The following MICAL2 variants were observed in gnomAD, a reference collection of about 807,000 sequenced individuals.
MICAL2 encodes the protein microtubule associated monooxygenase, calponin and LIM domain containing 2.
MICAL2 carries 77 observed loss-of-function variants against 127.3 expected under a neutral mutation model. That is an observed-to-expected ratio of 0.60 (90% CI 0.50 to 0.73). The LOEUF (loss-of-function observed/expected upper bound fraction) is 0.73. Among genes scored for constraint, MICAL2 ranks in the 30% least tolerant of loss-of-function variants. MICAL2 has a pLI of 0.00. For missense variants in MICAL2, 1,351 were observed against 1,434.4 expected, an observed-to-expected ratio of 0.94 and a Z score of 0.94; for synonymous variants, 570 against 551.1, an observed-to-expected ratio of 1.03 and a Z score of -0.48.
chr11:12,255,441 C>T, intron 22 of MICAL2: 1 of 572,686 alleles, frequency 1.7e-6, no homozygotes, highest in East Asian at 2.9e-5. Flanking sequence ...TTTGCGGCCA[C>T]AGGGTTTTAT....
intron 2 of MICAL2, among the ~76,000 whole-genome samples, chr11:12,145,824 C>T (rs1311700117): frequency 2.6e-5 from 4 of 152,118 alleles, no homozygotes; most frequent in Admixed American, 1.3e-4. Flanking sequence ...GTTGGGTGGA[C>T]GGCCCAATGA....
intron 33 of MICAL2, among the ~76,000 whole-genome samples, chr11:12,352,013 C>T (rs1367342302): frequency 6.6e-6 from 1 of 152,084 alleles, no homozygotes; most frequent in Non-Finnish European, 1.5e-5. Flanking sequence ...GTCTCGAACT[C>T]CTGACTTCAA....
Position 12,256,928 on chromosome 11 carries a change from C to T in MICAL2, c.3099C>T (p.Ala1033=), listed in dbSNP as rs141669526. The change falls in exon 24 of 28, where the codon GCC becomes GCT. Residue 1033 remains alanine (A), a synonymous_variant. Transcript: ENST00000683283. Reference sequence around the variant, plus strand: ...AGTGTTTCCGCTGCAGCATCTGTGCCACCACCTTGCGCCTGGCCGCCTACA... The same window carrying T: ...AGTGTTTCCGCTGCAGCATCTGTGCTACCACCTTGCGCCTGGCCGCCTACA... ...HRECFRCSIC[A]TTLRLAAYTF... 2 of 1,614,094 alleles carry T rather than the reference C, an allele frequency of 1.2e-6. No individual in the cohort carries two copies. Among genetic ancestry groups the T allele is most frequent in the Middle Eastern group, 3.3e-4 (2 of 6,062 alleles).
At chr11:12,240,084 A>G (rs979850805) in intron 17 of MICAL2, among the ~76,000 whole-genome samples, 4 of 152,234 alleles carry the variant, frequency 2.6e-5, no homozygotes, top group Admixed American at 1.3e-4. Context: ...CATCCTAACC[A>G]GAGGAACTGA....
chr11:12,358,564 G>A, downstream of MICAL2: 2 of 1,333,622 alleles, frequency 1.5e-6, no homozygotes, highest in Non-Finnish European at 2.0e-6. Flanking sequence ...TCTTTCTGCA[G>A]GATTTATCAT....
intron 32 of MICAL2, chr11:12,349,752 C>A: frequency 7.6e-7 from 1 of 1,324,420 alleles, no homozygotes; most frequent in Non-Finnish European, 1.1e-6. Context: ...TCACTACAAA[C>A]ATAACCTGCT....
At chr11:12,284,750 G>C (rs1863806904) in intron 2 of MICAL2, among the ~76,000 whole-genome samples, 1 of 152,186 alleles carries the variant, frequency 6.6e-6, no homozygotes, top group South Asian at 2.1e-4. Flanking sequence ...CAGCAATTGG[G>C]GGGTGGGCTA....
chr11:12,251,436 T>C (rs1244593850), intron 22 of MICAL2, among the ~76,000 whole-genome samples: 1 of 151,910 alleles, frequency 6.6e-6, no homozygotes. Flanking sequence ...GGAGACAAGT[T>C]CTCCATCACC....
At chr11:12,302,086 A>T (rs1864053641) in intron 29 of MICAL2, among the ~76,000 whole-genome samples, 1 of 152,130 alleles carries the variant, frequency 6.6e-6, no homozygotes, top group South Asian at 2.1e-4. Flanking sequence ...CATCTTAGTG[A>T]TTGGGTCCTG....
At chr11:12,206,027 G>GC (rs1376347659) in intron 4 of MICAL2, among the ~76,000 whole-genome samples, 1 of 152,168 alleles carries the variant, frequency 6.6e-6, no homozygotes, top group Non-Finnish European at 1.5e-5. Flanking sequence ...TACCAGCTGT[G>GC]CCCCCAGAGT....
At chr11:12,158,719 G>C (rs1854460640) in intron 2 of MICAL2, among the ~76,000 whole-genome samples, 1 of 152,156 alleles carries the variant, frequency 6.6e-6, no homozygotes, top group South Asian at 2.1e-4. Context: ...TACAGATTTT[G>C]GTATCTGCAT....
chr11:12,324,134 GA>G (rs1178704393), intron 31 of MICAL2: 1 of 1,564,348 alleles, frequency 6.4e-7, no homozygotes, highest in East Asian at 2.3e-5. Flanking sequence ...CTCTGGATGG[GA>G]AAGAGTTTTG....
intron 32 of MICAL2, among the ~76,000 whole-genome samples, chr11:12,337,614 C>A (rs1393837785): frequency 6.6e-6 from 1 of 152,038 alleles, no homozygotes; most frequent in African/African-American, 2.4e-5. Context: ...TCCCTCTACA[C>A]ACTGCTTTGA....
At chr11:12,230,198 T>C (rs1858043137) in intron 15 of MICAL2, among the ~76,000 whole-genome samples, 2 of 152,226 alleles carry the variant, frequency 1.3e-5, no homozygotes, top group South Asian at 4.1e-4. Context: ...TTTTTTGATT[T>C]GGGGAACCGA....
Position 12,241,098 on chromosome 11 carries a change from T to A in MICAL2, c.2273T>A (p.Val758Asp). 6.2e-7 allele frequency: 1 copy of A among 1,614,194 alleles called. No individual in the cohort carries two copies. ...CTGTGCTCTTCCTCCGGCCCTCCTG[T>A]TCACTCTTGCTGCCCCAAGCCGGAG... ...PVLCSSSGPP[V>D]HSCCPKPEEA... Residue 758 changes from valine to aspartate, a missense_variant, in exon 18 of 28, where the codon GTT becomes GAT. Physicochemically the swap from Val to Asp is radical, Grantham distance 152. Coordinates refer to ENST00000683283, the MANE Select transcript of MICAL2 (RefSeq NM_001282663.2).
At position 12,222,707 on chromosome 11, in the gene MICAL2, C is replaced by A; in HGVS notation, c.1413C>A (p.Tyr471Ter). 1 of 1,614,226 alleles carries A rather than the reference C, an allele frequency of 6.2e-7. No homozygotes were observed. Among genetic ancestry groups the A allele is most frequent in the Non-Finnish European group, 8.5e-7 (1 of 1,180,040 alleles). Residue 471 changes from tyrosine to a stop codon, truncating the protein, a stop_gained, in exon 11 of 28, where the codon TAC (tyrosine) becomes TAA (stop). Coordinates refer to ENST00000683283, the MANE Select transcript of MICAL2 (RefSeq NM_001282663.2). LOFTEE classifies it high-confidence loss of function. ...EQYTLDPGTR[Y>*]PNLNSHCVRP... ...ACACGTTGGACCCAGGGACACGGTA[C>A]CCAAACCTCAACTCACACTGTGTCA...
intron 3 of MICAL2, among the ~76,000 whole-genome samples, chr11:12,165,871 G>A (rs915721611): frequency 6.6e-6 from 1 of 152,164 alleles, no homozygotes; most frequent in African/African-American, 2.4e-5. Flanking sequence ...AATCTCACTT[G>A]GGATTATTGT....
At position 12,354,965 on chromosome 11, in the gene MICAL2, G is replaced by A. The variant is rs565117802; in HGVS notation, c.5689+108G>A. On this transcript the variant is annotated intron_variant, in intron 34 of 34. Transcript: ENST00000646065. Reference sequence around the variant, plus strand: ...GCTCTTCCTGCCTGCCAGCCTGCAAGTTAGAGGAAAGTACAAAGCCAGCCT... The same window carrying A: ...GCTCTTCCTGCCTGCCAGCCTGCAAATTAGAGGAAAGTACAAAGCCAGCCT... The A allele has an allele frequency of 4.3e-5, 45 of 1,053,770 alleles. No individual in the cohort carries two copies. The South Asian group carries it at 5.5e-4, about 13-fold the overall frequency. The allele number at this position is 1,053,770 out of a possible 1,614,324, so 65.3% of individuals were successfully genotyped here. A position where few individuals can be genotyped will look rare whatever the true frequency, so the allele number is the denominator to read the frequency against.
chr11:12,204,324 C>T lies in MICAL2; in HGVS notation c.339C>T (p.Val113=), dbSNP rs771006828. ...TTGCCTACCTGGGAGCCAAAGTGGT[C>T]GTGGTGGAGAAGAGGGACTCCTTCT... ...IELAYLGAKV[V]VVEKRDSFSR... is the part of the protein sequence containing the mutation. Residue 113 remains valine, a synonymous_variant, in exon 4 of 28, where the codon GTC becomes GTT. Transcript: ENST00000683283. 1.9e-5 allele frequency: 30 copies of T among 1,614,004 alleles called. No homozygotes were observed. Among genetic ancestry groups the T allele is most frequent in the Non-Finnish European group, 2.0e-5 (24 of 1,180,016 alleles).
Sources: gnomAD v4.1 joint callset for allele counts (sites outside exome capture counted in the v4.1 genomes callset) on GRCh38, gnomAD v4.1.1 for gene constraint, MANE v1.5 for transcripts, NCBI Gene and HGNC (gene_info 2026-07-23, HGNC 2026-07-21) for gene names.